The following MTSS1 variants were observed in gnomAD, a reference collection of about 807,000 sequenced individuals.
MTSS1 encodes MTSS I-BAR domain containing 1, also known as protein MTSS 1.
Under a neutral mutation model 79.0 loss-of-function variants are expected in MTSS1, and 18 were observed. The observed-to-expected ratio is 0.23, with a 90% CI of 0.16 to 0.34. The LOEUF is 0.34. Ranked by LOEUF, MTSS1 falls within the 10% of genes least tolerant of loss-of-function variation. MTSS1 has a pLI of 1.00. For synonymous variants in MTSS1, 341 were observed against 368.6 expected, an observed-to-expected ratio of 0.93 and a Z score of 0.86; for missense variants, 815 against 986.2, an observed-to-expected ratio of 0.83 and a Z score of 2.33.
chr8:124,644,393 T>C (rs1297155750), intron 3 of MTSS1, among the ~76,000 whole-genome samples: 1 of 152,172 alleles, frequency 6.6e-6, no homozygotes, highest in African/African-American at 2.4e-5. Context: ...AAGAAAGAAT[T>C]TCTAATTAAT....
At chr8:124,631,566 C>T (rs965192671) in intron 3 of MTSS1, among the ~76,000 whole-genome samples, 30 of 152,206 alleles carry the variant, frequency 2.0e-4, no homozygotes, top group African/African-American at 7.2e-4. Flanking sequence ...CAATGCCACC[C>T]TGCCCCTCAT....
intron 3 of MTSS1, among the ~76,000 whole-genome samples, chr8:124,648,708 A>AGCCC (rs1319902960): frequency 5.2e-5 from 7 of 135,314 alleles, no homozygotes; most frequent in South Asian, 4.4e-4. Context: ...CCCAAATAGC[A>AGCCC]GCCCCCCCCC....
chr8:124,568,001 C>T, intron 7 of MTSS1: 1 of 1,285,608 alleles, frequency 7.8e-7, no homozygotes, highest in Non-Finnish European at 1.0e-6. Flanking sequence ...CTGGAGTGCT[C>T]CTTTAAAACA....
Position 124,727,679 on chromosome 8 carries a change from C to T in MTSS1, c.72+205G>A, listed in dbSNP as rs1371325958. ...ATGGCGTGGGACAGCAGACACCCCC[C>T]AGAGAAGCCACCCGCCCAGTGACCC... On this transcript the variant is annotated intron_variant, in intron 1 of 13. Transcript: ENST00000518547. The surrounding 1 kb of genome is among the most constrained non-coding windows in gnomAD (Gnocchi z 4.7). 2 of 669,880 alleles carry T rather than the reference C, an allele frequency of 3.0e-6. No homozygotes were observed. The highest frequency in any genetic ancestry group is 1.5e-5 in the South Asian group (1 of 65,914). 41.5% of individuals were successfully genotyped at this position (669,880 alleles called of 1,614,324 possible). A position where few individuals can be genotyped will look rare whatever the true frequency, so the allele number is the denominator to read the frequency against.
intron 1 of MTSS1, among the ~76,000 whole-genome samples, 153 bp from the exon 2 acceptor site, chr8:124,704,344 T>C (rs760154652): frequency 8.5e-5 from 13 of 152,240 alleles, no homozygotes; most frequent in Non-Finnish European, 1.6e-4. Context: ...TCTATATACA[T>C]GTATTGGCTC....
In MTSS1 at chr8:124,567,127, C is replaced by G; in HGVS notation, c.670G>C (p.Glu224Gln). Reference protein sequence around the residue: ...GEITHLQTISEDLKSLTMDPH... With the variant: ...GEITHLQTISQDLKSLTMDPH... ...TCCATGGTCAGGCTTTTTAGATCTT[C>G]CGAGATGGTCTGAAGGTGGGTTATT... The change falls in exon 8 of 14, where the codon GAA (glutamate) becomes CAA (glutamine). Residue 224 changes from glutamate to glutamine, a missense_variant. Around this residue, in one of 2 missense-constraint regions of MTSS1, gnomAD observed 225 missense variants for 365.4 expected, o/e 0.62. Transcript: ENST00000518547. 6.2e-7 allele frequency: 1 copy of G among 1,614,184 alleles called. No individual in the cohort carries two copies. The highest frequency in any genetic ancestry group is 8.5e-7 in the Non-Finnish European group (1 of 1,180,016).
chr8:124,627,676 G>A (rs1814977139), intron 3 of MTSS1, among the ~76,000 whole-genome samples: 1 of 152,232 alleles, frequency 6.6e-6, no homozygotes, highest in South Asian at 2.1e-4. Context: ...GGGGTGGCGG[G>A]GGGGTCCCCC....
intron 3 of MTSS1, among the ~76,000 whole-genome samples, chr8:124,620,712 G>A (rs1209790350): frequency 1.3e-5 from 2 of 152,194 alleles, no homozygotes; most frequent in Admixed American, 6.5e-5. Context: ...GAGCACAGAT[G>A]TTAGTGGCAG....
chr8:124,684,655 C>T (rs1174581351), intron 3 of MTSS1, among the ~76,000 whole-genome samples: 1 of 151,808 alleles, frequency 6.6e-6, no homozygotes, highest in Non-Finnish European at 1.5e-5. Context: ...CAGACAGATA[C>T]CACCGGGTTC....
intron 1 of MTSS1, among the ~76,000 whole-genome samples, chr8:124,708,461 T>C (rs1046724540): frequency 2.0e-5 from 3 of 152,096 alleles, no homozygotes; most frequent in Non-Finnish European, 4.4e-5. Flanking sequence ...CCAGCCAACA[T>C]GGGAAGCATC....
chr8:124,585,432 T>TA (rs1830694779), intron 5 of MTSS1, among the ~76,000 whole-genome samples: 2 of 147,666 alleles, frequency 1.4e-5, no homozygotes, highest in South Asian at 4.3e-4. Context: ...TTTTTTTTTT[T>TA]AAGACAGAGT....
intron 3 of MTSS1, among the ~76,000 whole-genome samples, chr8:124,672,846 C>T (rs1824512310): frequency 6.6e-6 from 1 of 151,314 alleles, no homozygotes; most frequent in South Asian, 2.1e-4. Context: ...CACATGCATG[C>T]ACACACACAC....
chr8:124,558,635 G>A (rs1183122714), intron 10 of MTSS1: 22 of 1,432,008 alleles, frequency 1.5e-5, no homozygotes, highest in South Asian at 7.2e-5. Flanking sequence ...AGGTTGCCGC[G>A]GCTGTGAGGG....
chr8:124,634,857 A>G (rs1816702952), intron 3 of MTSS1, among the ~76,000 whole-genome samples: 1 of 152,218 alleles, frequency 6.6e-6, no homozygotes. Flanking sequence ...CAGAACCTAC[A>G]TTTGACAGGA....
intron 3 of MTSS1, among the ~76,000 whole-genome samples, chr8:124,596,821 C>T (rs1215827976): frequency 6.6e-6 from 1 of 152,146 alleles, no homozygotes; most frequent in African/African-American, 2.4e-5. Flanking sequence ...CTCTGTTGTG[C>T]TAGGCTCACG....
At chr8:124,703,844 T>G (rs1830039774) in intron 2 of MTSS1, among the ~76,000 whole-genome samples, 1 of 152,234 alleles carries the variant, frequency 6.6e-6, no homozygotes. Context: ...GAGCAATACA[T>G]AAATGTTACC....
chr8:124,641,197 G>A (rs1817979747), intron 3 of MTSS1, among the ~76,000 whole-genome samples: 1 of 152,232 alleles, frequency 6.6e-6, no homozygotes, highest in Non-Finnish European at 1.5e-5. Flanking sequence ...AAATGGACCA[G>A]GGGAATGGAA....
At chr8:124,629,028 G>A (rs1204634722) in intron 3 of MTSS1, among the ~76,000 whole-genome samples, 1 of 152,182 alleles carries the variant, frequency 6.6e-6, no homozygotes, top group Admixed American at 6.5e-5. Flanking sequence ...TTAATCATGA[G>A]AGCTCACAAG....
chr8:124,702,220 A>G (rs1336603456), intron 2 of MTSS1, among the ~76,000 whole-genome samples: 1 of 152,220 alleles, frequency 6.6e-6, no homozygotes, highest in African/African-American at 2.4e-5. Context: ...ATGTACTTAA[A>G]TGTTTTACTG....
Sources: allele counts gnomAD v4.1 joint callset (sites outside exome capture counted in the v4.1 genomes callset), GRCh38; gene constraint gnomAD v4.1.1; regional missense constraint gnomAD v4.1.1; non-coding constraint Gnocchi (gnomAD v3.1); transcripts MANE v1.5; gene names NCBI Gene and HGNC (gene_info 2026-07-23, HGNC 2026-07-21).